CELSR2: variants seen among roughly 807,000 people sequenced by gnomAD.
The protein encoded by CELSR2 is cadherin EGF LAG seven-pass G-type receptor 2.
A neutral mutation model predicts 251.6 loss-of-function variants in CELSR2; 81 were observed. That is an observed-to-expected ratio of 0.32 (90% CI 0.27 to 0.39). The LOEUF is 0.39. Among genes scored for constraint, CELSR2 ranks in the 10% least tolerant of loss-of-function variants. The probability of loss-of-function intolerance (pLI) is 1.00; values close to 1 mark genes in which losing one functional copy is unlikely to be tolerated. For synonymous variants in CELSR2, 1,721 were observed against 1,670.5 expected, an observed-to-expected ratio of 1.03 and a Z score of -0.74; for missense variants, 3,365 against 3,947.7, an observed-to-expected ratio of 0.85 and a Z score of 3.96.
At chr1:109,263,444 G>C (rs1243310693) in intron 8 of CELSR2, among the ~76,000 whole-genome samples, 167 bp from the exon 9 acceptor site, 2 of 152,222 alleles carry the variant, frequency 1.3e-5, no homozygotes, top group Admixed American at 6.5e-5. Flanking sequence ...TCAGAGGCAG[G>C]CCTGGGCACA....
Position 109,265,799 on chromosome 1 carries a change from C to T in CELSR2, c.5792C>T (p.Ser1931Phe), listed in dbSNP as rs1656169027. The stretch of plus-strand genomic sequence containing the variant: ...TTGTGTGACTGCTACCCCACAGGCT[C>T]CTTGTCCAGAGTCTGTGACCCTGAG... The part of the protein sequence containing the change: ...CLLCDCYPTG[S>F]LSRVCDPEDG... The change falls in exon 14 of 34, where the codon TCC becomes TTC. Residue 1931 changes from serine to phenylalanine, a missense_variant. By Grantham distance (155) the Ser-to-Phe change is radical. Transcript: ENST00000271332. 1.9e-6 allele frequency: 3 copies of T among 1,613,998 alleles called. No homozygotes were observed. Among genetic ancestry groups the T allele is most frequent in the African/African-American group, 1.3e-5 (1 of 74,916 alleles).
At chr1:109,253,475 A>G in intron 1 of CELSR2, 86 bp downstream of exon 1, 2 of 1,491,542 alleles carry the variant, frequency 1.3e-6, no homozygotes, top group Non-Finnish European at 1.8e-6. Context: ...GCGATCCAGG[A>G]AGCAGCTACA....
In CELSR2 at chr1:109,265,235, G is replaced by T. The variant is rs752292520; in HGVS notation, c.5651G>T (p.Cys1884Phe). 5 of 1,612,846 alleles carry T rather than the reference G, an allele frequency of 3.1e-6. No homozygotes were observed. The highest frequency in any genetic ancestry group is 3.4e-6 in the Non-Finnish European group (4 of 1,179,208). ...CPRGWWGHPT[C>F]GPCNCDVSKG... ...CGTGGCTGGTGGGGACATCCCACAT[G>T]TGGCCCATGCAACTGTGATGTCAGC... Residue 1884 changes from cysteine to phenylalanine, a missense_variant, in exon 13 of 34, where the codon TGT becomes TTT. Cys to Phe is a radical substitution (Grantham distance 205). Around this residue, in one of 5 missense-constraint regions of CELSR2, gnomAD observed 2,093 missense variants for 2,382.8 expected, o/e 0.88. Coordinates refer to ENST00000271332, the MANE Select transcript of CELSR2 (RefSeq NM_001408.3).
intron 15 of CELSR2, among the ~76,000 whole-genome samples, chr1:109,267,191 CTG>C (rs1656223648): frequency 6.6e-6 from 1 of 151,880 alleles, no homozygotes; most frequent in Admixed American, 6.6e-5. Context: ...GGGGTGTTGG[CTG>C]CTGACCCAGG....
In CELSR2 at chr1:109,265,825, G is replaced by A. The variant is rs1341860307; in HGVS notation, c.5818G>A (p.Asp1940Asn). Reference protein sequence around the residue: ...GSLSRVCDPEDGQCPCKPGVI... With the variant: ...GSLSRVCDPENGQCPCKPGVI... ...CTTGTCCAGAGTCTGTGACCCTGAG[G>A]ATGGCCAGTGTCCATGCAAGCCAGG... is the stretch of plus-strand genomic sequence containing the variant. Residue 1940 changes from aspartate to asparagine, a missense_variant, in exon 14 of 34, where the codon GAT becomes AAT. Physicochemically the swap from Asp to Asn is conservative, Grantham distance 23. Coordinates refer to ENST00000271332, the MANE Select transcript of CELSR2 (RefSeq NM_001408.3). The A allele has an allele frequency of 1.1e-5, 18 of 1,614,098 alleles. No individual in the cohort carries two copies. The highest frequency in any genetic ancestry group is 1.3e-5 in the Non-Finnish European group (15 of 1,180,024).
chr1:109,268,721 G>T lies in CELSR2; in HGVS notation c.6459G>T (p.Arg2153=). 1 of 1,612,208 alleles carries T rather than the reference G, an allele frequency of 6.2e-7. No individual in the cohort carries two copies. The highest frequency in any genetic ancestry group is 8.5e-7 in the Non-Finnish European group (1 of 1,178,570). The part of the protein sequence containing the change: ...AYASALAQNM[R]HTYLSPFTIV... ...CCAGTGCCCTGGCCCAGAACATGCG[G>T]CACACCTACCTAAGCCCCTTCACCA... Residue 2153 remains arginine (R), a synonymous_variant, in exon 18 of 34, where the codon CGG becomes CGT. Transcript: ENST00000271332.
intron 24 of CELSR2, 28 bp from the exon 25 acceptor site, chr1:109,270,899 A>G: frequency 6.5e-7 from 1 of 1,545,552 alleles, no homozygotes; most frequent in Non-Finnish European, 8.9e-7. Context: ...TCACCCCTCC[A>G]CTGCTCCCGT....
At chr1:109,260,076 C>G (rs1655975692) in intron 2 of CELSR2, among the ~76,000 whole-genome samples, 1 of 150,876 alleles carries the variant, frequency 6.6e-6, no homozygotes, top group South Asian at 2.1e-4. Flanking sequence ...CCAGAACTTG[C>G]CAGACTTGAC....
rs144744120 is a variant in CELSR2, at chr1:109,261,256, G to C, written c.4173G>C (p.Leu1391=). The part of the protein sequence containing the change: ...RGLRQRFHFT[L]ALSFATKERD... ...TGCGCCAGCGTTTCCACTTCACCCT[G>C]GCCCTCTCGTGAGTGGCTGGGCACT... Residue 1391 remains leucine (L), a synonymous_variant, in exon 3 of 34, where the codon CTG becomes CTC. Transcript: ENST00000271332. The surrounding 1 kb of genome is among the most constrained non-coding windows in gnomAD (Gnocchi z 4.8). The C allele has an allele frequency of 2.9e-4, 466 of 1,612,970 alleles. 1 individual carries two copies. Among genetic ancestry groups the C allele is most frequent in the Non-Finnish European group, 3.7e-4 (432 of 1,179,904 alleles).
At chr1:109,271,563 G>A (rs1656373137) in intron 27 of CELSR2, 37 bp from the exon 28 acceptor site, 1 of 1,614,144 alleles carries the variant, frequency 6.2e-7, no homozygotes, top group Non-Finnish European at 8.5e-7. Context: ...GTGGATGCCT[G>A]AATATGCACA....
Position 109,249,890 on chromosome 1 carries a change from G to C in CELSR2, c.-190G>C, listed in dbSNP as rs1329321780. The C allele has an allele frequency of 2.6e-6, 1 of 384,102 alleles. No homozygotes were observed. Among genetic ancestry groups the C allele is most frequent in the Non-Finnish European group, 4.0e-6 (1 of 249,418 alleles). 23.8% of individuals were successfully genotyped at this position (384,102 alleles called of 1,614,324 possible). On this transcript the variant is annotated 5_prime_UTR_variant, in exon 1 of 34. Transcript: ENST00000271332. ...GCGGGTCTGGCTCAGGGGGCAGTGGGAGCCCGGGCTCGTCGGAGGGTGCAG... is the reference window on the plus strand; with the variant it reads ...GCGGGTCTGGCTCAGGGGGCAGTGGCAGCCCGGGCTCGTCGGAGGGTGCAG...
Position 109,249,799 on chromosome 1 carries a change from G to T in CELSR2, c.-281G>T, listed in dbSNP as rs1170926625. ...GGCGCCGCGGGGCCCCCGGGCGCAGGTGGTGAGTGCCCGGAGCGCAGGTGG... is the reference window on the plus strand; with the variant it reads ...GGCGCCGCGGGGCCCCCGGGCGCAGTTGGTGAGTGCCCGGAGCGCAGGTGG... On this transcript the variant is annotated 5_prime_UTR_variant, in exon 1 of 34. Transcript: ENST00000271332. Among the ~76,000 whole-genome samples, 1 of 149,960 alleles carries T rather than the reference G, an allele frequency of 6.7e-6. No homozygotes were observed. Among genetic ancestry groups the T allele is most frequent in the Non-Finnish European group, 1.5e-5 (1 of 67,196 alleles).
rs754330848 is a variant in CELSR2 at position 109,268,048 on chromosome 1, G to A, written c.6306G>A (p.Val2102=). 12 of 1,598,060 alleles carry A rather than the reference G, an allele frequency of 7.5e-6. No homozygotes were observed. In the South Asian group the frequency reaches 1.3e-4, roughly 18 times the overall value. The change falls in exon 17 of 34, where the codon GTG becomes GTA. Residue 2102 remains valine, a synonymous_variant. Transcript: ENST00000271332. The part of the protein sequence containing the change: ...RGFGLSATQD[V]HFTENLLRVG... ...TTGGGCTGTCTGCCACACAGGACGT[G>A]CACTTCACTGAGGTGGGGCTTGGAG...
chr1:109,262,350 G>A lies in CELSR2; in HGVS notation c.4450G>A (p.Val1484Met), dbSNP rs752131170. The A allele has an allele frequency of 3.0e-5, 48 of 1,614,186 alleles. 1 individual carries two copies. In the Middle Eastern group the frequency reaches 4.9e-4, roughly 17 times the overall value. ...PSEQKVAVVT[V>M]DGCDTGVALR... ...AGAGCAGAAGGTGGCTGTGGTGACC[G>A]TGGATGGCTGTGACACAGGAGTGGC... The change falls in exon 6 of 34, where the codon GTG becomes ATG. Residue 1484 changes from valine (V) to methionine (M), a missense_variant. Physicochemically the swap from Val to Met is conservative, Grantham distance 21. Transcript: ENST00000271332.
At position 109,258,583 on chromosome 1, in the gene CELSR2, C is replaced by T. The variant is rs777358652; in HGVS notation, c.3462C>T (p.Ala1154=). The change falls in exon 2 of 34, where the codon GCC becomes GCT. Residue 1154 remains alanine (A), a synonymous_variant. Coordinates refer to ENST00000271332, the MANE Select transcript of CELSR2 (RefSeq NM_001408.3). ...PLLGLFIQAV[A]ATLATPPDHV... ...TAGGCCTCTTCATCCAGGCGGTGGCCGCCACGCTGGCCACGCCACCGGACC... is the reference window on the plus strand; with the variant it reads ...TAGGCCTCTTCATCCAGGCGGTGGCTGCCACGCTGGCCACGCCACCGGACC... The T allele has an allele frequency of 8.1e-6, 13 of 1,599,354 alleles. No individual in the cohort carries two copies. The highest frequency in any genetic ancestry group is 5.4e-5 in the African/African-American group (4 of 74,674).
chr1:109,254,519 A>C (rs1235337814), intron 1 of CELSR2, among the ~76,000 whole-genome samples: 1 of 152,126 alleles, frequency 6.6e-6, no homozygotes, highest in Non-Finnish European at 1.5e-5. Context: ...TGCCTTCCCC[A>C]AGCCTGGGAA....
At chr1:109,267,415 T>G (rs1374256296) in intron 15 of CELSR2, 133 bp from the exon 16 acceptor site, 1 of 730,764 alleles carries the variant, frequency 1.4e-6, no homozygotes, top group Admixed American at 2.8e-5. Flanking sequence ...TCTTCCTGTT[T>G]CACCAGGGCC....
At chr1:109,266,005 G>A in intron 14 of CELSR2, 87 bp downstream of exon 14, 1 of 1,575,610 alleles carries the variant, frequency 6.3e-7, no homozygotes, top group Non-Finnish European at 8.6e-7. Flanking sequence ...GCTGGTTGCA[G>A]GCCTGGGGAG....
At chr1:109,263,552 C>T in intron 8 of CELSR2, 59 bp from the exon 9 acceptor site, 2 of 1,585,408 alleles carry the variant, frequency 1.3e-6, no homozygotes, top group Non-Finnish European at 1.7e-6. Context: ...CTGAGCATCA[C>T]AGCCCCAGGG....
Sources: allele counts gnomAD v4.1 joint callset (sites outside exome capture counted in the v4.1 genomes callset), GRCh38; gene constraint gnomAD v4.1.1; regional missense constraint gnomAD v4.1.1; non-coding constraint Gnocchi (gnomAD v3.1); transcripts MANE v1.5; gene names NCBI Gene and HGNC (gene_info 2026-07-23, HGNC 2026-07-21).